The following HOMER1 variants were observed in gnomAD, a reference collection of about 807,000 sequenced individuals.
The protein encoded by HOMER1 is homer protein homolog 1.
A neutral mutation model predicts 48.9 loss-of-function variants in HOMER1; 3 were observed. That is an observed-to-expected ratio of 0.06 (90% CI 0.03 to 0.16). HOMER1 has a LOEUF of 0.16. HOMER1 is among the 10% of genes least tolerant of loss of function. The probability of loss-of-function intolerance (pLI) is 1.00; values close to 1 mark genes in which losing one functional copy is unlikely to be tolerated. For synonymous variants in HOMER1, 134 were observed against 146.4 expected (o/e 0.92, Z 0.61); for missense variants, 247 against 411.4 (o/e 0.60, Z 3.46).
At chr5:79,395,083 T>C (rs1749347465) in intron 8 of HOMER1, among the ~76,000 whole-genome samples, 1 of 152,192 alleles carries the variant, frequency 6.6e-6, no homozygotes, top group Non-Finnish European at 1.5e-5. Context: ...CCTCATTACT[T>C]TCTAGCTAAG....
intron 1 of HOMER1, among the ~76,000 whole-genome samples, chr5:79,477,683 C>T (rs1679976049): frequency 6.6e-6 from 1 of 152,202 alleles, no homozygotes; most frequent in Admixed American, 6.5e-5. Context: ...TCTGAAATGT[C>T]TGACAGTTTT....
chr5:79,382,616 G>T (rs961073731), intron 8 of HOMER1, among the ~76,000 whole-genome samples: 2 of 152,132 alleles, frequency 1.3e-5, no homozygotes, highest in African/African-American at 4.8e-5. Flanking sequence ...AGCAAAAGCT[G>T]AAAGAATTCA....
Position 79,514,041 on chromosome 5 carries a change from T to TGCCTCC in HOMER1, c.-1273_-1268dup, listed in dbSNP as rs1169472248. 3 of 152,332 alleles carry TGCCTCC rather than the reference T, an allele frequency of 2.0e-5. No individual in the cohort carries two copies. The highest frequency in any genetic ancestry group is 1.9e-4 in the South Asian group (1 of 5,134). The allele number at this position is 152,332 out of a possible 1,614,324, so 9.4% of individuals were successfully genotyped here. On this transcript the variant is annotated 5_prime_UTR_variant, in exon 1 of 9. Transcript: ENST00000334082. The stretch of plus-strand genomic sequence containing the variant: ...GCCCCGGCGGCCTGAAGCCTGCCGC[T>TGCCTCC]GCCTCCGCCTCCGCCGGCCGGCCGG...
At chr5:79,404,491 A>G (rs918407899) in intron 5 of HOMER1, among the ~76,000 whole-genome samples, 30 of 152,208 alleles carry the variant, frequency 2.0e-4, no homozygotes, top group South Asian at 1.0e-3. Flanking sequence ...GATCTGTATT[A>G]TCCAAATATT....
chr5:79,467,873 C>T (rs917748986), intron 1 of HOMER1, among the ~76,000 whole-genome samples: 2 of 152,264 alleles, frequency 1.3e-5, no homozygotes, highest in African/African-American at 4.8e-5. Context: ...ACCTCTCAGG[C>T]TCAAGCGATC....
intron 1 of HOMER1, among the ~76,000 whole-genome samples, chr5:79,500,692 T>C (rs1246290384): frequency 6.6e-6 from 1 of 151,830 alleles, no homozygotes; most frequent in Non-Finnish European, 1.5e-5. Flanking sequence ...AATGGTATGA[T>C]CTCAGCTCAC....
At chr5:79,453,194 A>C (rs749200706) in intron 2 of HOMER1, among the ~76,000 whole-genome samples, 22 of 150,604 alleles carry the variant, frequency 1.5e-4, no homozygotes, top group Non-Finnish European at 3.0e-4. Context: ...AAACGCAAGA[A>C]ATCAAGACTG....
rs1229387632 is a variant in HOMER1, at chr5:79,457,855, TG to T, written c.6-838del. 2.6e-5 allele frequency among the ~76,000 whole-genome samples: 4 copies of T among 152,332 alleles called. No homozygotes were observed. The East Asian group carries it at 7.7e-4, about 29-fold the overall frequency. On this transcript the variant is annotated intron_variant, in intron 1 of 8. Transcript: ENST00000334082. ...TGAATAATGAGAATAAACTATGCTC[TG>T]CTAAAATACAAGTATCTTATATTTG...
At chr5:79,379,826 T>C (rs1039482839) in intron 8 of HOMER1, among the ~76,000 whole-genome samples, 1 of 152,032 alleles carries the variant, frequency 6.6e-6, no homozygotes, top group Admixed American at 6.6e-5. Context: ...CCTTTACTAA[T>C]GTAAGGCACA....
intron 8 of HOMER1, among the ~76,000 whole-genome samples, chr5:79,381,139 G>T (rs995912494): frequency 1.3e-5 from 2 of 152,126 alleles, no homozygotes; most frequent in African/African-American, 2.4e-5. Flanking sequence ...CACCATCAGG[G>T]TCCAAAGACT....
At chr5:79,478,136 G>A (rs6867782) in intron 1 of HOMER1, among the ~76,000 whole-genome samples, 11,934 of 152,124 alleles carry the variant, frequency 0.078, 1,038 homozygotes, top group East Asian at 0.24. Context: ...CACATCTTCT[G>A]GTTCCAAAAT....
At chr5:79,474,486 T>C (rs1751707045) in intron 1 of HOMER1, among the ~76,000 whole-genome samples, 1 of 152,128 alleles carries the variant, frequency 6.6e-6, no homozygotes, top group South Asian at 2.1e-4. Flanking sequence ...TTGAATTGTT[T>C]AACAGATAAA....
intron 5 of HOMER1, among the ~76,000 whole-genome samples, chr5:79,413,411 T>C (rs976399914): frequency 2.0e-5 from 3 of 152,182 alleles, no homozygotes; most frequent in African/African-American, 7.2e-5. Context: ...TATTAAAGTA[T>C]ATAACCCAAG....
At chr5:79,502,063 A>G (rs1580042678) in intron 1 of HOMER1, among the ~76,000 whole-genome samples, 1 of 140,430 alleles carries the variant, frequency 7.1e-6, no homozygotes, top group South Asian at 2.2e-4. Context: ...TTCTGTCACC[A>G]GGCTGGAGTT....
intron 4 of HOMER1, among the ~76,000 whole-genome samples, chr5:79,443,821 A>G (rs566073462): frequency 4.6e-5 from 7 of 152,184 alleles, no homozygotes; most frequent in Non-Finnish European, 1.0e-4. Flanking sequence ...ATTATTAACC[A>G]TGACCTGACA....
At chr5:79,414,060 T>A (rs1317799801) in intron 5 of HOMER1, among the ~76,000 whole-genome samples, 1 of 152,070 alleles carries the variant, frequency 6.6e-6, no homozygotes, top group African/African-American at 2.4e-5. Context: ...TCTCATCAGA[T>A]GTTTACATTG....
intron 5 of HOMER1, among the ~76,000 whole-genome samples, chr5:79,438,415 G>A (rs1750651066): frequency 6.6e-6 from 1 of 152,188 alleles, no homozygotes; most frequent in Non-Finnish European, 1.5e-5. Flanking sequence ...TATGTTTTCA[G>A]AGAAACAGAT....
chr5:79,495,375 T>C (rs1465939550), intron 1 of HOMER1, among the ~76,000 whole-genome samples: 1 of 152,222 alleles, frequency 6.6e-6, no homozygotes, highest in African/African-American at 2.4e-5. Context: ...TCTTATTTGT[T>C]TGTTAAGGCT....
At chr5:79,503,263 C>T (rs938678920) in intron 1 of HOMER1, among the ~76,000 whole-genome samples, 8 of 151,924 alleles carry the variant, frequency 5.3e-5, no homozygotes, top group East Asian at 1.9e-4. Context: ...CCAGGCATGG[C>T]GGCTCACGCC....
Sources: gnomAD v4.1 joint callset for allele counts (sites outside exome capture counted in the v4.1 genomes callset) on GRCh38, gnomAD v4.1.1 for gene constraint, MANE v1.5 for transcripts, NCBI Gene and HGNC (gene_info 2026-07-23, HGNC 2026-07-21) for gene names.